The following ZBTB5 variants were observed in gnomAD, a reference collection of about 807,000 sequenced individuals.
ZBTB5 encodes the protein zinc finger and BTB domain-containing protein 5.
A neutral mutation model predicts 37.9 loss-of-function variants in ZBTB5; 15 were observed. That is an observed-to-expected ratio of 0.40 (90% confidence interval 0.26 to 0.61). The LOEUF is 0.61. Ranked by LOEUF, ZBTB5 falls within the 20% of genes least tolerant of loss-of-function variation. The probability of loss-of-function intolerance (pLI) is 0.47; values close to 1 mark genes in which losing one functional copy is unlikely to be tolerated. For synonymous variants in ZBTB5, 315 were observed against 312.4 expected (o/e 1.01, Z -0.09); for missense variants, 708 against 856.8 (o/e 0.83, Z 2.17).
At chr9:37,451,221 A>C (rs1043770767) in intron 1 of ZBTB5, among the ~76,000 whole-genome samples, 1 of 151,580 alleles carries the variant, frequency 6.6e-6, no homozygotes, top group Admixed American at 6.6e-5. Flanking sequence ...GAAAGCAGGG[A>C]AGGTAAGGCC....
At chr9:37,444,797 A>G (rs1321989678) in intron 1 of ZBTB5, among the ~76,000 whole-genome samples, 1 of 152,242 alleles carries the variant, frequency 6.6e-6, no homozygotes, top group Non-Finnish European at 1.5e-5. Flanking sequence ...CTTTCTCAGG[A>G]GGCGACTAAG....
chr9:37,459,312 T>G (rs376395222), intron 1 of ZBTB5, among the ~76,000 whole-genome samples: 1 of 151,742 alleles, frequency 6.6e-6, no homozygotes. Flanking sequence ...TACAAAAAAT[T>G]GGTGGGGCGT....
In ZBTB5 at chr9:37,438,123, A is replaced by C. The variant is rs1823755805; in HGVS notation, c.*2395T>G. On this transcript the variant is annotated 3_prime_UTR_variant, in exon 2 of 2. Coordinates refer to ENST00000307750, the MANE Select transcript of ZBTB5 (RefSeq NM_014872.3). ...CATATTTAGAGGCATGAATATGACA[A>C]ATTTTTTATTTCAAAAATCTCAAGT... The C allele has an allele frequency of 1.3e-5, 2 of 152,500 alleles. No individual in the cohort carries two copies. The highest frequency in any genetic ancestry group is 4.8e-5 in the African/African-American group (2 of 41,468). 9.4% of individuals were successfully genotyped at this position (152,500 alleles called of 1,614,324 possible).
intron 1 of ZBTB5, among the ~76,000 whole-genome samples, chr9:37,453,876 C>T (rs1275089797): frequency 6.6e-6 from 1 of 152,192 alleles, no homozygotes; most frequent in Non-Finnish European, 1.5e-5. Flanking sequence ...ATAAATCCAG[C>T]ACTGAGAGTG....
chr9:37,455,985 TCTCA>T (rs1259603791), intron 1 of ZBTB5, among the ~76,000 whole-genome samples: 1 of 151,310 alleles, frequency 6.6e-6, no homozygotes, highest in Non-Finnish European at 1.5e-5. Context: ...GATCTCACTC[TCTCA>T]CTCAGGCTGG....
intron 1 of ZBTB5, among the ~76,000 whole-genome samples, chr9:37,443,317 A>C (rs889494945): frequency 6.6e-6 from 1 of 151,336 alleles, no homozygotes; most frequent in African/African-American, 2.4e-5. Flanking sequence ...CGACAGAGTG[A>C]GACTTCATCT....
chr9:37,464,404 G>C (rs1047752979), intron 1 of ZBTB5, among the ~76,000 whole-genome samples: 9 of 152,102 alleles, frequency 5.9e-5, no homozygotes, highest in African/African-American at 2.2e-4. Context: ...ACTTTACTGT[G>C]CTTTCACCTA....
intron 1 of ZBTB5, among the ~76,000 whole-genome samples, chr9:37,454,565 A>G (rs1824154837): frequency 6.6e-6 from 1 of 152,250 alleles, no homozygotes; most frequent in African/African-American, 2.4e-5. Context: ...TTAAGAAAAT[A>G]CACTCTCATT....
At chr9:37,456,954 T>C (rs906698507) in intron 1 of ZBTB5, among the ~76,000 whole-genome samples, 6 of 152,332 alleles carry the variant, frequency 3.9e-5, no homozygotes, top group Admixed American at 2.6e-4. Context: ...GATTTTCTCA[T>C]AGGAAAGTCC....
intron 1 of ZBTB5, among the ~76,000 whole-genome samples, chr9:37,453,910 G>A (rs920621178): frequency 2.0e-5 from 3 of 152,146 alleles, no homozygotes; most frequent in African/African-American, 7.2e-5. Context: ...GTTTGAGAAC[G>A]AAGCCAACAC....
intron 1 of ZBTB5, among the ~76,000 whole-genome samples, chr9:37,463,889 G>A (rs982322168): frequency 5.9e-5 from 9 of 152,166 alleles, no homozygotes. Context: ...CAAAACCCAA[G>A]GGCCCAAAAC....
intron 1 of ZBTB5, among the ~76,000 whole-genome samples, chr9:37,451,860 T>C (rs1012033425): frequency 6.6e-6 from 1 of 152,094 alleles, no homozygotes; most frequent in African/African-American, 2.4e-5. Context: ...ACAGAACTGG[T>C]TGGCAGGTCC....
chr9:37,462,049 T>C (rs771105441), intron 1 of ZBTB5, among the ~76,000 whole-genome samples: 16 of 152,208 alleles, frequency 1.1e-4, no homozygotes, highest in Non-Finnish European at 2.1e-4. Context: ...CTATGTTGCC[T>C]GGGCTGGTTT....
rs746578727 is a variant in ZBTB5 at position 37,440,946 on chromosome 9, G to C, written c.1606C>G (p.Arg536Gly). 1.2e-6 allele frequency: 2 copies of C among 1,614,186 alleles called. No individual in the cohort carries two copies. The highest frequency in any genetic ancestry group is 1.7e-6 in the Non-Finnish European group (2 of 1,180,042). The change falls in exon 2 of 2, where the codon CGC (arginine) becomes GGC (glycine). Residue 536 changes from arginine to glycine, a missense_variant. By Grantham distance (125) the Arg-to-Gly change is moderately radical (BLOSUM62 -2). Transcript: ENST00000307750. ...RGGASNFPYY[R>G]RIAPKMPVVT... ...ACTGGCATTTTGGGAGCTATGCGGCGGTAGTAAGGAAAGTTACTGGCTCCT... is the reference window on the plus strand; with the variant it reads ...ACTGGCATTTTGGGAGCTATGCGGCCGTAGTAAGGAAAGTTACTGGCTCCT...
At position 37,441,942 on chromosome 9, in the gene ZBTB5, G is replaced by A. The variant is rs765164600; in HGVS notation, c.610C>T (p.Arg204Cys). 21 of 1,613,832 alleles carry A rather than the reference G, an allele frequency of 1.3e-5. No homozygotes were observed. The highest frequency in any genetic ancestry group is 1.1e-4 in the East Asian group (5 of 44,884). ...GACTCATCTATGGAGGGTCGGAGGCGCTGCCTGGCCCGCTCCTCTGCAGAC... is the reference window on the plus strand; with the variant it reads ...GACTCATCTATGGAGGGTCGGAGGCACTGCCTGGCCCGCTCCTCTGCAGAC... ...KQSAEERARQ[R>C]LRPSIDESAI... The change falls in exon 2 of 2, where the codon CGC becomes TGC. Residue 204 changes from arginine to cysteine, a missense_variant. Physicochemically the swap from Arg to Cys is radical, Grantham distance 180. Transcript: ENST00000307750.
intron 1 of ZBTB5, among the ~76,000 whole-genome samples, chr9:37,457,294 G>A (rs963636698): frequency 2.6e-5 from 4 of 152,196 alleles, no homozygotes; most frequent in Admixed American, 6.5e-5. Flanking sequence ...GAGTGTGGTG[G>A]TGCAATCACA....
intron 1 of ZBTB5, among the ~76,000 whole-genome samples, chr9:37,450,576 C>T (rs1252975234): frequency 2.6e-5 from 4 of 152,116 alleles, no homozygotes; most frequent in Admixed American, 6.6e-5. Flanking sequence ...AATGCCTAAA[C>T]TGAAATTAAG....
rs1184487589 is a variant in ZBTB5, at chr9:37,441,564, T to TA, written c.987dup (p.Lys330Ter). On this transcript the variant is annotated frameshift_variant, in exon 2 of 2. Transcript: ENST00000307750. LOFTEE classifies it high-confidence loss of function. ...TCAGGTGAGCTCAGGGGCTCAGATT[T>TA]AACCACCACTCTCATGTGCTCCTTC... The TA allele has an allele frequency of 1.2e-6, 2 of 1,612,704 alleles. No individual in the cohort carries two copies. The highest frequency in any genetic ancestry group is 8.5e-7 in the Non-Finnish European group (1 of 1,179,868).
intron 1 of ZBTB5, among the ~76,000 whole-genome samples, chr9:37,461,317 A>G (rs1159574165): frequency 6.6e-6 from 1 of 152,260 alleles, no homozygotes; most frequent in African/African-American, 2.4e-5. Context: ...AAGATGGTTG[A>G]GTGGATTTTA....
Sources: allele counts gnomAD v4.1 joint callset (sites outside exome capture counted in the v4.1 genomes callset), GRCh38; gene constraint gnomAD v4.1.1; transcripts MANE v1.5; gene names NCBI Gene and HGNC (gene_info 2026-07-23, HGNC 2026-07-21).